The following SGCZ variants were observed in gnomAD, a reference collection of about 807,000 sequenced individuals.
SGCZ encodes zeta-sarcoglycan.
Under a neutral mutation model 41.3 loss-of-function variants are expected in SGCZ, and 40 were observed. The observed-to-expected ratio is 0.97, with a 90% confidence interval of 0.75 to 1.26. The LOEUF is 1.26. SGCZ is among the 50% of genes most tolerant of loss of function. The pLI is 0.00. For missense variants in SGCZ, 552 were observed against 369.8 expected, an observed-to-expected ratio of 1.49 and a Z score of -4.04; for synonymous variants, 206 against 137.5, an observed-to-expected ratio of 1.50 and a Z score of -3.49.
chr8:14,966,912 G>T (rs753094078), intron 1 of SGCZ, among the ~76,000 whole-genome samples: 7 of 152,106 alleles, frequency 4.6e-5, no homozygotes, highest in African/African-American at 2.4e-5. Context: ...CAACTTATTT[G>T]AATTTGGGGA....
chr8:14,767,697 G>C (rs1297468906), intron 1 of SGCZ, among the ~76,000 whole-genome samples: 2 of 152,146 alleles, frequency 1.3e-5, no homozygotes, highest in African/African-American at 4.8e-5. Flanking sequence ...AGTCACAAGA[G>C]AGCAAAGACA....
At chr8:14,284,215 AC>A (rs2116926139) in intron 3 of SGCZ, among the ~76,000 whole-genome samples, 1 of 152,250 alleles carries the variant, frequency 6.6e-6, no homozygotes, top group East Asian at 1.9e-4. Context: ...ATATAGTGGA[AC>A]CCCACCTCTA....
chr8:14,860,197 T>G (rs77228201), intron 1 of SGCZ, among the ~76,000 whole-genome samples: 5 of 151,738 alleles, frequency 3.3e-5, no homozygotes, highest in African/African-American at 7.3e-5. Flanking sequence ...TTTTTTTTTG[T>G]CTTTTTTTTT....
At chr8:14,657,921 T>G (rs1275251463) in intron 1 of SGCZ, among the ~76,000 whole-genome samples, 1 of 152,168 alleles carries the variant, frequency 6.6e-6, no homozygotes, top group Non-Finnish European at 1.5e-5. Flanking sequence ...AATGTAGAAT[T>G]ATTTACTCCT....
intron 1 of SGCZ, among the ~76,000 whole-genome samples, chr8:14,701,352 TC>T (rs1809130730): frequency 6.6e-6 from 1 of 151,920 alleles, no homozygotes; most frequent in Non-Finnish European, 1.5e-5. Flanking sequence ...TACCTCTCTC[TC>T]CCCTGAGTGG....
intron 3 of SGCZ, among the ~76,000 whole-genome samples, chr8:14,284,419 C>A (rs930839539): frequency 2.0e-5 from 3 of 152,136 alleles, no homozygotes; most frequent in African/African-American, 7.2e-5. Flanking sequence ...ATAGACTTGT[C>A]TTATTTTAGT....
intron 1 of SGCZ, among the ~76,000 whole-genome samples, chr8:14,703,290 C>G (rs1455169510): frequency 6.6e-6 from 1 of 151,948 alleles, no homozygotes; most frequent in Non-Finnish European, 1.5e-5. Context: ...CTTGTCTACA[C>G]TGACATCCTG....
intron 1 of SGCZ, among the ~76,000 whole-genome samples, chr8:14,882,773 C>A (rs1251712934): frequency 6.6e-6 from 1 of 152,016 alleles, no homozygotes; most frequent in African/African-American, 2.4e-5. Flanking sequence ...TCTCCAGGTC[C>A]ACTCTGTCTT....
chr8:14,391,271 T>G (rs1804760265), intron 2 of SGCZ, among the ~76,000 whole-genome samples: 1 of 152,180 alleles, frequency 6.6e-6, no homozygotes, highest in Admixed American at 6.6e-5. Flanking sequence ...TTCTGACAGT[T>G]AAAACTTCTT....
chr8:14,702,731 TGATA>T (rs35625599), intron 1 of SGCZ, among the ~76,000 whole-genome samples: 1,978 of 91,214 alleles, frequency 0.022, 42 homozygotes, highest in African/African-American at 0.047. Flanking sequence ...CTGGCTTCAA[TGATA>T]GATAGATAGA....
intron 1 of SGCZ, among the ~76,000 whole-genome samples, chr8:15,162,065 A>G (rs1044068364): frequency 4.9e-4 from 74 of 152,312 alleles, no homozygotes; most frequent in Middle Eastern, 3.4e-3. Context: ...GATTTACTGT[A>G]AACAGAATCA....
chr8:14,521,742 G>T (rs1311051533), intron 2 of SGCZ, among the ~76,000 whole-genome samples: 1 of 152,010 alleles, frequency 6.6e-6, no homozygotes, highest in Admixed American at 6.6e-5. Context: ...AATTTAGAAC[G>T]GCTGTTCCAT....
At chr8:14,986,600 A>G (rs1252662030) in intron 1 of SGCZ, among the ~76,000 whole-genome samples, 4 of 152,116 alleles carry the variant, frequency 2.6e-5, no homozygotes, top group Non-Finnish European at 2.9e-5. Flanking sequence ...AATTATATAT[A>G]TATGCCAATT....
intron 1 of SGCZ, among the ~76,000 whole-genome samples, chr8:14,704,493 A>C (rs1197212312): frequency 6.6e-6 from 1 of 152,014 alleles, no homozygotes. Flanking sequence ...TTATTAATTC[A>C]CCTTAATGAT....
intron 2 of SGCZ, among the ~76,000 whole-genome samples, chr8:14,423,271 T>C (rs566634523): frequency 1.5e-4 from 23 of 151,702 alleles, no homozygotes; most frequent in African/African-American, 5.6e-4. Flanking sequence ...ATGTAACTAA[T>C]CTGCACATTG....
intron 1 of SGCZ, among the ~76,000 whole-genome samples, chr8:14,601,946 C>T (rs1237513202): frequency 3.3e-5 from 5 of 151,998 alleles, no homozygotes; most frequent in Admixed American, 3.3e-4. Context: ...CGGTGAAACC[C>T]CGTCTCTACT....
chr8:14,276,818 A>G lies in SGCZ; in HGVS notation c.337-39139T>C, dbSNP rs138431332. ...CAGAAGGCCAATTCCCACTTCAGCTATTACAGGAAATATCCTCTCCATAGG... is the reference window on the plus strand; with the variant it reads ...CAGAAGGCCAATTCCCACTTCAGCTGTTACAGGAAATATCCTCTCCATAGG... On this transcript the variant is annotated intron_variant, in intron 3 of 7. Coordinates refer to ENST00000382080, the MANE Select transcript of SGCZ (RefSeq NM_139167.4). Among the ~76,000 whole-genome samples the G allele has an allele frequency of 3.1e-3, 478 of 152,284 alleles. 2 individuals carry two copies. The highest frequency in any genetic ancestry group is 0.011 in the African/African-American group (456 of 41,566).
chr8:14,817,971 C>G (rs6530807), intron 1 of SGCZ, among the ~76,000 whole-genome samples: 56,984 of 152,058 alleles, frequency 0.37, 14,935 homozygotes, highest in African/African-American at 0.72. Flanking sequence ...AGAGGCACCT[C>G]GCCCAGATAT....
rs150775396 is a variant in SGCZ, at chr8:14,522,020, T to C, written c.234+32712A>G. On this transcript the variant is annotated intron_variant, in intron 2 of 7. Transcript: ENST00000382080. ...TTCTAAATATGTTCTTTCACAAATA[T>C]GATCAAGCGATATTTCATCTTTACT... Among the ~76,000 whole-genome samples, 1,443 of 152,240 alleles carry C rather than the reference T, an allele frequency of 9.5e-3. 25 individuals are homozygous for C. The highest frequency in any genetic ancestry group is 0.033 in the African/African-American group (1,390 of 41,566).
Sources: allele counts gnomAD v4.1 joint callset (sites outside exome capture counted in the v4.1 genomes callset), GRCh38; gene constraint gnomAD v4.1.1; transcripts MANE v1.5; gene names NCBI Gene and HGNC (gene_info 2026-07-23, HGNC 2026-07-21).